FAT3: variants seen among roughly 807,000 people sequenced by gnomAD.
FAT3 encodes the protein protocadherin Fat 3.
In FAT3, 95 loss-of-function variants were observed where a neutral mutation model predicts 310.2. The observed-to-expected ratio is 0.31, with a 90% CI of 0.26 to 0.36. FAT3 has a LOEUF of 0.36. Among genes scored for constraint, FAT3 ranks in the 10% least tolerant of loss-of-function variants. The pLI, the probability that FAT3 is intolerant of heterozygous loss-of-function variation, is 1.00. For missense variants in FAT3, 5,408 were observed against 5,715.6 expected, an observed-to-expected ratio of 0.95 and a Z score of 1.74; for synonymous variants, 2,314 against 2,192.9, an observed-to-expected ratio of 1.06 and a Z score of -1.54.
chr11:92,496,200 G>A (rs935922951), intron 2 of FAT3, among the ~76,000 whole-genome samples: 1 of 151,998 alleles, frequency 6.6e-6, no homozygotes, highest in Non-Finnish European at 1.5e-5. Flanking sequence ...AACGTATGTA[G>A]CCTTTTGCTT....
intron 1 of FAT3, among the ~76,000 whole-genome samples, chr11:92,293,062 AAGGAAGGAAGGAAGGAAAGAAG>A (rs1565206264): frequency 8.3e-5 from 12 of 143,936 alleles, no homozygotes; most frequent in African/African-American, 1.4e-4. Context: ...GGAAGGAAGG[AAGGAAGGAAGGAAGGAAAGAAG>A]GAAGGAAGGA....
chr11:92,595,991 G>T (rs930688791), intron 3 of FAT3, among the ~76,000 whole-genome samples: 2 of 152,034 alleles, frequency 1.3e-5, no homozygotes, highest in Admixed American at 6.6e-5. Context: ...AGTATGGCTC[G>T]TACAAGTTTG....
At chr11:92,254,085 C>T (rs1865225068) in intron 1 of FAT3, among the ~76,000 whole-genome samples, 1 of 152,182 alleles carries the variant, frequency 6.6e-6, no homozygotes, top group Non-Finnish European at 1.5e-5. Flanking sequence ...AAAGGAATCA[C>T]CACACTCTGA....
intron 3 of FAT3, among the ~76,000 whole-genome samples, chr11:92,537,490 C>T (rs576631447): frequency 6.6e-6 from 1 of 152,220 alleles, no homozygotes; most frequent in South Asian, 2.1e-4. Flanking sequence ...CCCAGTCTTT[C>T]CCTCCTTGTC....
At chr11:92,298,611 T>C (rs1465366755) in intron 1 of FAT3, among the ~76,000 whole-genome samples, 1 of 152,146 alleles carries the variant, frequency 6.6e-6, no homozygotes, top group East Asian at 1.9e-4. Context: ...GGTCTTTGGT[T>C]CAGCATCTCT....
Position 92,308,069 on chromosome 11 carries a change from G to T in FAT3, c.-17-44027G>T, listed in dbSNP as rs1358576170. 5.3e-5 allele frequency among the ~76,000 whole-genome samples: 8 copies of T among 152,112 alleles called. No individual in the cohort carries two copies. The East Asian group carries it at 1.4e-3, about 26-fold the overall frequency. ...CTGGTCACACAATTCTGAAATCAGA[G>T]GATTAGTAGTACAATATAAGAAACA... On this transcript the variant is annotated intron_variant, in intron 1 of 27. Coordinates refer to ENST00000525166, the MANE Select transcript of FAT3 (RefSeq NM_001367949.2).
chr11:92,611,185 A>T (rs2135624688), intron 3 of FAT3, among the ~76,000 whole-genome samples: 1 of 152,140 alleles, frequency 6.6e-6, no homozygotes, highest in East Asian at 1.9e-4. Flanking sequence ...GAGTGCAGTG[A>T]CAATCATAGC....
At chr11:92,810,145 A>G in intron 13 of FAT3, 69 bp downstream of exon 13, 1 of 1,401,674 alleles carries the variant, frequency 7.1e-7, no homozygotes, top group Non-Finnish European at 9.9e-7. Flanking sequence ...CCATTCCTTT[A>G]GTTTTATAAG....
chr11:92,457,822 T>C (rs1951532220), intron 2 of FAT3, among the ~76,000 whole-genome samples: 1 of 152,168 alleles, frequency 6.6e-6, no homozygotes, highest in Non-Finnish European at 1.5e-5. Context: ...CTCAGGAGGC[T>C]GAGGCAGGAG....
intron 2 of FAT3, among the ~76,000 whole-genome samples, chr11:92,429,870 C>G (rs1222414474): frequency 1.3e-5 from 2 of 152,132 alleles, no homozygotes; most frequent in Non-Finnish European, 2.9e-5. Flanking sequence ...TTGCTCTTCT[C>G]AAGGAGTATC....
chr11:92,353,094 G>A lies in FAT3; in HGVS notation c.982G>A (p.Glu328Lys). ...GKWLNEYKIK[E>K]RKQIDWESFP... ...GTGGTTGAATGAGTACAAGATTAAG[G>A]AGAGGAAGCAGATTGACTGGGAGAG... The change falls in exon 2 of 28, where the codon GAG (glutamate) becomes AAG (lysine). Residue 328 changes from glutamate (E) to lysine (K), a missense_variant. Around this residue, in one of 5 missense-constraint regions of FAT3, gnomAD observed 4,588 missense variants for 4,809.8 expected, o/e 0.95. Coordinates refer to ENST00000525166, the MANE Select transcript of FAT3 (RefSeq NM_001367949.2). The A allele has an allele frequency of 6.2e-7, 1 of 1,613,694 alleles. No homozygotes were observed. Among genetic ancestry groups the A allele is most frequent in the Non-Finnish European group, 8.5e-7 (1 of 1,179,852 alleles).
chr11:92,698,683 C>A (rs1404317114), intron 4 of FAT3, among the ~76,000 whole-genome samples: 2 of 151,134 alleles, frequency 1.3e-5, no homozygotes, highest in African/African-American at 2.4e-5. Context: ...TCCAGGCTGC[C>A]AAAAAAAATA....
intron 2 of FAT3, among the ~76,000 whole-genome samples, chr11:92,412,068 G>T (rs1452650165): frequency 6.6e-6 from 1 of 151,752 alleles, no homozygotes; most frequent in Non-Finnish European, 1.5e-5. Context: ...ACCTCTGCAG[G>T]AGTAGATGGG....
In FAT3 at chr11:92,295,486, T is replaced by C. The variant is rs143549936; in HGVS notation, c.-17-56610T>C. On this transcript the variant is annotated intron_variant, in intron 1 of 27. Coordinates refer to ENST00000525166, the MANE Select transcript of FAT3 (RefSeq NM_001367949.2). ...TGAATACAATTCTTTCACTGAATTA[T>C]GGATGCAGGGTCAAAAATGCATTAT... Among the ~76,000 whole-genome samples, 360 of 152,272 alleles carry C rather than the reference T, an allele frequency of 2.4e-3. 1 individual carries two copies. The highest frequency in any genetic ancestry group is 8.5e-3 in the South Asian group (41 of 4,826).
intron 4 of FAT3, among the ~76,000 whole-genome samples, chr11:92,758,066 C>T (rs926422542): frequency 1.2e-4 from 19 of 152,254 alleles, no homozygotes; most frequent in Non-Finnish European, 1.3e-4. Flanking sequence ...AATTTTCATA[C>T]AGAGACCCTC....
chr11:92,674,138 G>T (rs1943213937), intron 3 of FAT3, among the ~76,000 whole-genome samples: 1 of 151,376 alleles, frequency 6.6e-6, no homozygotes, highest in Non-Finnish European at 1.5e-5. Context: ...CTGAGATCAT[G>T]CCATTGCACT....
At chr11:92,543,391 G>A (rs663500) in intron 3 of FAT3, among the ~76,000 whole-genome samples, 146,685 of 152,246 alleles carry the variant, frequency 0.96, 70,887 homozygotes, top group East Asian at 1. Context: ...CCAATTGCTC[G>A]ATTTTATTTT....
intron 2 of FAT3, among the ~76,000 whole-genome samples, chr11:92,426,078 A>T (rs1950625940): frequency 6.6e-6 from 1 of 152,196 alleles, no homozygotes; most frequent in African/African-American, 2.4e-5. Flanking sequence ...TCGCCATTCT[A>T]ACTAGCGTGA....
chr11:92,365,893 C>G (rs969390968), intron 2 of FAT3, among the ~76,000 whole-genome samples: 1 of 152,212 alleles, frequency 6.6e-6, no homozygotes, highest in Admixed American at 6.5e-5. Context: ...TGAGAAACCC[C>G]AGAAAGGTTA....
Sources: gnomAD v4.1 joint callset for allele counts (sites outside exome capture counted in the v4.1 genomes callset) on GRCh38, gnomAD v4.1.1 for gene constraint, gnomAD v4.1.1 regional missense constraint, MANE v1.5 for transcripts, NCBI Gene and HGNC (gene_info 2026-07-23, HGNC 2026-07-21) for gene names.